The following TMIGD1 variants were observed in gnomAD, a reference collection of about 807,000 sequenced individuals.
TMIGD1 encodes transmembrane and immunoglobulin domain containing 1.
Under a neutral mutation model 27.5 loss-of-function variants are expected in TMIGD1, and 29 were observed. The ratio of observed to expected loss-of-function variants is 1.05; its 90% confidence interval spans 0.78 to 1.44. The LOEUF is 1.44. Ranked by LOEUF, TMIGD1 falls within the 40% of genes most tolerant of loss-of-function variation. The probability of loss-of-function intolerance (pLI) is 0.00; values close to 1 mark genes in which losing one functional copy is unlikely to be tolerated. For missense variants in TMIGD1, 334 were observed against 310.6 expected, an observed-to-expected ratio of 1.08 and a Z score of -0.57; for synonymous variants, 109 against 110.3, an observed-to-expected ratio of 0.99 and a Z score of 0.07.
At chr17:30,324,669 G>A (rs1909715279) in intron 4 of TMIGD1, 147 bp downstream of exon 4, 1 of 970,950 alleles carries the variant, frequency 1.0e-6, no homozygotes, top group Non-Finnish European at 1.5e-6. Flanking sequence ...ATTCTTAGTG[G>A]AAAAATCCTT....
rs775603447 is a variant in TMIGD1, at chr17:30,329,549, C to A, written c.83-20G>T. 1 of 1,599,058 alleles carries A rather than the reference C, an allele frequency of 6.3e-7. No homozygotes were observed. The highest frequency in any genetic ancestry group is 1.1e-5 in the South Asian group (1 of 90,392). On this transcript the variant is annotated intron_variant, in intron 2 of 6. Transcript: ENST00000328886. The stretch of plus-strand genomic sequence containing the variant: ...CAGAACCTGGGAGTATAGGGAGAAA[C>A]TATTTAGATATACAGAGTAAACAAC...
At chr17:30,316,889 A>C in intron 6 of TMIGD1, 199 bp from the exon 7 acceptor site, 1 of 640,008 alleles carries the variant, frequency 1.6e-6, no homozygotes, top group Non-Finnish European at 2.8e-6. Flanking sequence ...GTTGTAAAGC[A>C]GTATGGACCA....
intron 3 of TMIGD1, among the ~76,000 whole-genome samples, chr17:30,328,779 A>AC (rs1208666933): frequency 1.3e-5 from 2 of 151,650 alleles, no homozygotes; most frequent in African/African-American, 2.4e-5. Context: ...AACATGGTGA[A>AC]CCCCCCGTCT....
chr17:30,318,776 C>G (rs748364016), intron 5 of TMIGD1, 34 bp downstream of exon 5: 2 of 1,513,624 alleles, frequency 1.3e-6, no homozygotes, highest in South Asian at 2.3e-5. Flanking sequence ...CAGATGATGG[C>G]TTTTTACTTA....
chr17:30,322,812 T>G (rs758295436), intron 4 of TMIGD1, among the ~76,000 whole-genome samples: 3 of 152,182 alleles, frequency 2.0e-5, no homozygotes, highest in Non-Finnish European at 4.4e-5. Flanking sequence ...CAGCTCTTAT[T>G]CTATACACAA....
At chr17:30,332,304 AC>A (rs1330627309) in intron 1 of TMIGD1, 146 bp from the exon 2 acceptor site, 7 of 524,916 alleles carry the variant, frequency 1.3e-5, no homozygotes, top group Non-Finnish European at 2.4e-5. Context: ...TAATTAAACA[AC>A]CCTGTCTGAC....
intron 4 of TMIGD1, among the ~76,000 whole-genome samples, chr17:30,319,261 A>AAAAAAAAAAAAAAAATATATATATATAT: frequency 4.9e-4 from 34 of 68,992 alleles, no homozygotes; most frequent in African/African-American, 1.5e-3. Context: ...AAAAAAAAAA[A>AAAAAAAAAAAAAAAATATATATATATAT]ATATATATAT....
chr17:30,331,937 A>G, intron 2 of TMIGD1, 115 bp downstream of exon 2: 2 of 689,114 alleles, frequency 2.9e-6, no homozygotes, highest in Non-Finnish European at 5.1e-6. Context: ...AGCCATGCTA[A>G]CTGTGTAGTC....
intron 4 of TMIGD1, among the ~76,000 whole-genome samples, chr17:30,322,331 C>T (rs930734088): frequency 2.6e-5 from 4 of 152,056 alleles, no homozygotes; most frequent in Admixed American, 6.5e-5. Flanking sequence ...ACCAAAGGCC[C>T]GTCAACCTTA....
chr17:30,328,671 A>G (rs1909865597), intron 3 of TMIGD1, among the ~76,000 whole-genome samples: 1 of 152,122 alleles, frequency 6.6e-6, no homozygotes, highest in South Asian at 2.1e-4. Flanking sequence ...AAAAATGAAA[A>G]CAGGCTGGGT....
intron 1 of TMIGD1, among the ~76,000 whole-genome samples, chr17:30,332,646 G>A (rs1441148997): frequency 2.6e-5 from 4 of 152,114 alleles, no homozygotes; most frequent in Admixed American, 2.6e-4. Flanking sequence ...TTGAAACATG[G>A]CCTCTAGTTT....
intron 6 of TMIGD1, 122 bp downstream of exon 6, chr17:30,317,071 T>G: frequency 3.4e-6 from 4 of 1,182,972 alleles, no homozygotes; most frequent in Non-Finnish European, 3.8e-6. Context: ...CCACCTTCTA[T>G]TCTCCTTTGA....
chr17:30,320,322 C>A (rs1909576944), intron 4 of TMIGD1, among the ~76,000 whole-genome samples: 1 of 152,062 alleles, frequency 6.6e-6, no homozygotes, highest in African/African-American at 2.4e-5. Context: ...AGGTATGAGC[C>A]ACCGCACCGG....
intron 4 of TMIGD1, among the ~76,000 whole-genome samples, chr17:30,322,897 A>T (rs1234248325): frequency 6.6e-6 from 1 of 152,178 alleles, no homozygotes; most frequent in African/African-American, 2.4e-5. Context: ...TGGTCGGGGC[A>T]TGGTGGTTCA....
intron 1 of TMIGD1, among the ~76,000 whole-genome samples, chr17:30,333,732 C>A (rs1910059204): frequency 6.6e-6 from 1 of 152,122 alleles, no homozygotes; most frequent in Non-Finnish European, 1.5e-5. Context: ...AAAAAGATTT[C>A]TATCACAGTG....
intron 4 of TMIGD1, among the ~76,000 whole-genome samples, chr17:30,321,974 G>A (rs1401265258): frequency 2.6e-5 from 4 of 152,066 alleles, no homozygotes; most frequent in African/African-American, 7.2e-5. Context: ...GACTACCAGT[G>A]CGTGCCACCA....
At chr17:30,329,623 G>T in intron 2 of TMIGD1, 94 bp from the exon 3 acceptor site, 1 of 1,000,882 alleles carries the variant, frequency 1.0e-6, no homozygotes, top group Non-Finnish European at 1.5e-6. Flanking sequence ...TGTTACATCA[G>T]TAGAACAAAA....
At chr17:30,321,528 T>C (rs944389741) in intron 4 of TMIGD1, among the ~76,000 whole-genome samples, 1 of 152,240 alleles carries the variant, frequency 6.6e-6, no homozygotes, top group Non-Finnish European at 1.5e-5. Context: ...GAGTGACTAA[T>C]GTGTGTTATG....
At chr17:30,319,043 G>A in intron 4 of TMIGD1, 130 bp from the exon 5 acceptor site, 1 of 657,926 alleles carries the variant, frequency 1.5e-6, no homozygotes. Context: ...TCAAAAAGTA[G>A]GTATGATTGT....
Sources: gnomAD v4.1 joint callset for allele counts (sites outside exome capture counted in the v4.1 genomes callset) on GRCh38, gnomAD v4.1.1 for gene constraint, MANE v1.5 for transcripts, NCBI Gene and HGNC (gene_info 2026-07-23, HGNC 2026-07-21) for gene names.